MEIS2: variants seen among roughly 807,000 people sequenced by gnomAD.
MEIS2 encodes homeobox protein Meis2.
In MEIS2, 9 loss-of-function variants were observed where a neutral mutation model predicts 58.6. The ratio of observed to expected loss-of-function variants is 0.15; its 90% CI spans 0.09 to 0.27. MEIS2 has a LOEUF of 0.27. Among genes scored for constraint, MEIS2 ranks in the 10% least tolerant of loss-of-function variants. The probability of loss-of-function intolerance (pLI) is 1.00; values close to 1 mark genes in which losing one functional copy is unlikely to be tolerated. For synonymous variants in MEIS2, 221 were observed against 228.4 expected (o/e 0.97, Z 0.29); for missense variants, 427 against 635.0 (o/e 0.67, Z 3.52).
chr15:37,081,920 C>T (rs1185057920), intron 7 of MEIS2, among the ~76,000 whole-genome samples: 1 of 152,174 alleles, frequency 6.6e-6, no homozygotes, highest in African/African-American at 2.4e-5. Context: ...AAAAACAAAA[C>T]TAACTAACCG....
At chr15:36,989,591 A>G (rs563081192) in intron 8 of MEIS2, among the ~76,000 whole-genome samples, 1 of 152,296 alleles carries the variant, frequency 6.6e-6, no homozygotes, top group South Asian at 2.1e-4. Flanking sequence ...CCAAGCCATC[A>G]AAACTCTTCC....
Position 36,895,281 on chromosome 15 carries a change from G to A in MEIS2, c.1037-20C>T. The A allele has an allele frequency of 1.3e-6, 2 of 1,597,454 alleles. No individual in the cohort carries two copies. The highest frequency in any genetic ancestry group is 1.3e-5 in the African/African-American group (1 of 74,656). On this transcript the variant is annotated intron_variant, in intron 10 of 11. Transcript: ENST00000561208. ...GAAAACCTGATTGTGGTCATTCGAG[G>A]ACACAGAGGAGAAAGAAGAAAAGAT...
chr15:37,058,847 C>T (rs908202491), intron 7 of MEIS2, among the ~76,000 whole-genome samples: 2 of 152,122 alleles, frequency 1.3e-5, no homozygotes, highest in African/African-American at 4.8e-5. Context: ...CCAAAGAAAA[C>T]AGAGGTGACC....
intron 8 of MEIS2, among the ~76,000 whole-genome samples, chr15:36,955,610 G>A (rs2058930758): frequency 6.6e-6 from 1 of 152,090 alleles, no homozygotes; most frequent in African/African-American, 2.4e-5. Context: ...CAAGGTTTGT[G>A]ATGCTTAATT....
chr15:37,016,076 T>G (rs2061341208), intron 8 of MEIS2, among the ~76,000 whole-genome samples: 1 of 152,038 alleles, frequency 6.6e-6, no homozygotes, highest in Non-Finnish European at 1.5e-5. Flanking sequence ...AAATTTTGAT[T>G]TTATTTGGAG....
At chr15:37,004,810 T>C (rs934076441) in intron 8 of MEIS2, among the ~76,000 whole-genome samples, 11 of 152,174 alleles carry the variant, frequency 7.2e-5, no homozygotes, top group African/African-American at 2.2e-4. Flanking sequence ...TCCATCAAGA[T>C]TATAATCTAG....
At position 37,009,390 on chromosome 15, in the gene MEIS2, T is replaced by G. The variant is rs375632788; in HGVS notation, c.900+27424A>C. ...CATTAATACATTTGGGGTTCAGGTTTGTTTTGTTTTGGGTTGGAAATATTT... is the reference window on the plus strand; with the variant it reads ...CATTAATACATTTGGGGTTCAGGTTGGTTTTGTTTTGGGTTGGAAATATTT... On this transcript the variant is annotated intron_variant, in intron 8 of 11. Transcript: ENST00000561208. Among the ~76,000 whole-genome samples, 30 of 152,356 alleles carry G rather than the reference T, an allele frequency of 2.0e-4. No homozygotes were observed. In the East Asian group the frequency reaches 5.6e-3, roughly 28 times the overall value.
intron 9 of MEIS2, chr15:36,897,905 T>G (rs2056265461): frequency 6.6e-6 from 1 of 152,220 alleles, no homozygotes; most frequent in South Asian, 2.1e-4. Flanking sequence ...CAGTGTGTGC[T>G]GGCAGCTCTG....
At chr15:37,005,132 C>G (rs1267653593) in intron 8 of MEIS2, among the ~76,000 whole-genome samples, 1 of 152,182 alleles carries the variant, frequency 6.6e-6, no homozygotes, top group Non-Finnish European at 1.5e-5. Flanking sequence ...GCCTTTTCAA[C>G]ATCATGGCTA....
At chr15:36,892,942 G>T (rs1567015445) in intron 11 of MEIS2, among the ~76,000 whole-genome samples, 1 of 152,082 alleles carries the variant, frequency 6.6e-6, no homozygotes, top group Admixed American at 6.5e-5. Flanking sequence ...TATTCATTTT[G>T]AAGAAATGAG....
intron 8 of MEIS2, among the ~76,000 whole-genome samples, chr15:37,022,988 G>C (rs1948105398): frequency 6.6e-6 from 1 of 152,102 alleles, no homozygotes; most frequent in African/African-American, 2.4e-5. Context: ...TTTGTACAAT[G>C]CTTTATTTAT....
intron 11 of MEIS2, chr15:36,894,868 G>A: frequency 7.4e-7 from 1 of 1,357,164 alleles, no homozygotes; most frequent in Non-Finnish European, 1.1e-6. Flanking sequence ...AATTGATGGT[G>A]AAAAAATAGA....
chr15:37,060,130 G>A (rs1889007778), intron 7 of MEIS2, among the ~76,000 whole-genome samples: 1 of 147,396 alleles, frequency 6.8e-6, no homozygotes, highest in Admixed American at 6.6e-5. Context: ...TGTAGAGCTG[G>A]GGGTCTTGCC....
intron 7 of MEIS2, among the ~76,000 whole-genome samples, chr15:37,050,432 A>G (rs1417130905): frequency 6.6e-6 from 1 of 152,134 alleles, no homozygotes; most frequent in Admixed American, 6.5e-5. Context: ...AACTATCTAG[A>G]ATGTTTGTCT....
chr15:37,097,859 C>A, intron 2 of MEIS2, 108 bp downstream of exon 2: 1 of 1,419,834 alleles, frequency 7.0e-7, no homozygotes, highest in Non-Finnish European at 9.3e-7. Context: ...CGCCCCCCAC[C>A]ATACAGAAGT....
At chr15:36,969,087 G>C (rs2059449239) in intron 8 of MEIS2, among the ~76,000 whole-genome samples, 1 of 152,160 alleles carries the variant, frequency 6.6e-6, no homozygotes, top group African/African-American at 2.4e-5. Context: ...TTAAGTGGTA[G>C]CAAGTATTTT....
intron 7 of MEIS2, among the ~76,000 whole-genome samples, chr15:37,057,725 G>A (rs1888629699): frequency 6.6e-6 from 1 of 151,228 alleles, no homozygotes; most frequent in African/African-American, 2.4e-5. Flanking sequence ...TTTTCCCCCC[G>A]GTAGAGTTTG....
chr15:37,066,816 G>A (rs906340994), intron 7 of MEIS2, among the ~76,000 whole-genome samples: 38 of 152,104 alleles, frequency 2.5e-4, no homozygotes, highest in African/African-American at 9.2e-4. Context: ...TCACTCTGTT[G>A]CCCAGGCTGG....
At chr15:36,968,687 A>G (rs1013671404) in intron 8 of MEIS2, among the ~76,000 whole-genome samples, 1 of 152,188 alleles carries the variant, frequency 6.6e-6, no homozygotes, top group Non-Finnish European at 1.5e-5. Flanking sequence ...CATCAAGGCT[A>G]TGTTGGTTTA....
Sources: allele counts gnomAD v4.1 joint callset (sites outside exome capture counted in the v4.1 genomes callset), GRCh38; gene constraint gnomAD v4.1.1; transcripts MANE v1.5; gene names NCBI Gene and HGNC (gene_info 2026-07-23, HGNC 2026-07-21).